Variants in OTOA observed in about 807,000 individuals in gnomAD.
OTOA encodes the protein cancer/testis antigen 108.
A neutral mutation model predicts 110.8 loss-of-function variants in OTOA; 70 were observed. The ratio of observed to expected loss-of-function variants is 0.63; its 90% CI spans 0.52 to 0.77. The LOEUF is 0.77. OTOA is among the 30% of genes least tolerant of loss of function. OTOA has a pLI of 0.00. For synonymous variants in OTOA, 373 were observed against 431.5 expected (o/e 0.86, Z 1.68); for missense variants, 917 against 1,075.8 (o/e 0.85, Z 2.06).
At chr16:21,675,995 A>C (rs900877913) in intron 1 of OTOA, among the ~76,000 whole-genome samples, 1 of 152,118 alleles carries the variant, frequency 6.6e-6, no homozygotes, top group African/African-American at 2.4e-5. Flanking sequence ...TGGCATAATC[A>C]TGGCTCATTG....
chr16:21,714,493 TC>T (rs1898486557), intron 13 of OTOA, among the ~76,000 whole-genome samples: 2 of 123,470 alleles, frequency 1.6e-5, no homozygotes, highest in Admixed American at 8.2e-5. Flanking sequence ...TCCCTCTCTC[TC>T]TCTCTCTTTC....
intron 11 of OTOA, among the ~76,000 whole-genome samples, chr16:21,703,916 C>T (rs1260573985): frequency 6.6e-6 from 1 of 152,096 alleles, no homozygotes; most frequent in African/African-American, 2.4e-5. Flanking sequence ...TTATGATGTG[C>T]TACGATGAAC....
chr16:21,731,869 G>A (rs1407337515), intron 21 of OTOA, among the ~76,000 whole-genome samples: 2 of 152,204 alleles, frequency 1.3e-5, no homozygotes, highest in Non-Finnish European at 2.9e-5. Flanking sequence ...AGGATCACAC[G>A]CAGCACATTC....
chr16:21,715,219 GGCTGT>G (rs1458088280), intron 14 of OTOA, 67 bp downstream of exon 14: 7 of 1,605,358 alleles, frequency 4.4e-6, no homozygotes, highest in Non-Finnish European at 5.1e-6. Context: ...TTGGTGAGTG[GGCTGT>G]GACTTTGGGC....
At chr16:21,693,470 G>A (rs962562212) in intron 9 of OTOA, among the ~76,000 whole-genome samples, 5 of 152,096 alleles carry the variant, frequency 3.3e-5, no homozygotes, top group East Asian at 1.9e-4. Flanking sequence ...CTGCTCTTAC[G>A]GCCCTATTGT....
At position 21,695,891 on chromosome 16, in the gene OTOA, A is replaced by ATTTTTTTTTT. The variant is rs386384450; in HGVS notation, c.740-1874_740-1865dup. 5.5e-4 allele frequency among the ~76,000 whole-genome samples: 23 copies of ATTTTTTTTTT among 41,896 alleles called. 1 individual carries two copies. Among genetic ancestry groups the ATTTTTTTTTT allele is most frequent in the African/African-American group, 1.0e-3 (7 of 6,838 alleles). 27.5% of individuals were successfully genotyped at this position (41,896 alleles called of 152,430 possible). ...GATATATATATATATATATATATAT[A>ATTTTTTTTTT]TTTTTTTTTTTTTTTTTTTCTGAGA... On this transcript the variant is annotated intron_variant, in intron 9 of 28. Coordinates refer to ENST00000646100, the MANE Select transcript of OTOA (RefSeq NM_144672.4).
At position 21,711,053 on chromosome 16, in the gene OTOA, C is replaced by T. The variant is rs1043591483; in HGVS notation, c.1320+950C>T. ...CAAATCAGTAGCACTTATCCTGTAGCATTGCTGCGAATATTATGTGAGTTG... is the reference window on the plus strand; with the variant it reads ...CAAATCAGTAGCACTTATCCTGTAGTATTGCTGCGAATATTATGTGAGTTG... On this transcript the variant is annotated intron_variant, in intron 13 of 28. Coordinates refer to ENST00000646100, the MANE Select transcript of OTOA (RefSeq NM_144672.4). Among the ~76,000 whole-genome samples, 29 of 152,128 alleles carry T rather than the reference C, an allele frequency of 1.9e-4. 1 individual carries two copies. The highest frequency in any genetic ancestry group is 6.8e-4 in the African/African-American group (28 of 41,426).
chr16:21,716,736 C>CT (rs1230392105), intron 14 of OTOA, among the ~76,000 whole-genome samples, 171 bp from the exon 15 acceptor site: 1 of 152,058 alleles, frequency 6.6e-6, no homozygotes, highest in Non-Finnish European at 1.5e-5. Context: ...ACTCATCACA[C>CT]TTTAAGTCTC....
chr16:21,722,895 A>T lies in OTOA; in HGVS notation c.1807-10A>T, dbSNP rs759768420. ...CTGCATTAAATCCCCAGAACTGCTT[A>T]ATCTTTCAGGTTAATTGTTTGGCGT... On this transcript the variant is annotated splice_polypyrimidine_tract_variant and intron_variant, in intron 17 of 28. Coordinates refer to ENST00000646100, the MANE Select transcript of OTOA (RefSeq NM_144672.4). The T allele has an allele frequency of 1.2e-6, 2 of 1,613,576 alleles. No homozygotes were observed. The highest frequency in any genetic ancestry group is 2.2e-5 in the East Asian group (1 of 44,882).
Position 21,728,467 on chromosome 16 carries a change from G to T in OTOA, c.2207+36G>T, listed in dbSNP as rs946324220. ...GCTGGGTTTGGCTTTTGGTGGTGTG[G>T]TATGCTCTGTGGAGGGACACTCAAC... On this transcript the variant is annotated intron_variant, in intron 20 of 28. Coordinates refer to ENST00000646100, the MANE Select transcript of OTOA (RefSeq NM_144672.4). 3 of 1,602,008 alleles carry T rather than the reference G, an allele frequency of 1.9e-6. No homozygotes were observed. The African/African-American group carries it at 4.0e-5, about 21-fold the overall frequency.
intron 10 of OTOA, among the ~76,000 whole-genome samples, chr16:21,699,823 G>A (rs1418911450): frequency 6.6e-6 from 1 of 152,132 alleles, no homozygotes; most frequent in Non-Finnish European, 1.5e-5. Context: ...GGAGGCTGAG[G>A]CAGGAGTATC....
At chr16:21,697,896 TA>T in intron 10 of OTOA, 21 bp downstream of exon 10, 1 of 1,579,038 alleles carries the variant, frequency 6.3e-7, no homozygotes, top group Non-Finnish European at 8.7e-7. Flanking sequence ...AAAGTACATT[TA>T]TATGTCACCA....
chr16:21,694,950 A>G (rs1257687281), intron 9 of OTOA, among the ~76,000 whole-genome samples: 1 of 152,198 alleles, frequency 6.6e-6, no homozygotes, highest in Non-Finnish European at 1.5e-5. Flanking sequence ...CTTTATTGCC[A>G]GAGTTTAATT....
At chr16:21,679,985 A>C (rs1966876082) in intron 5 of OTOA, among the ~76,000 whole-genome samples, 1 of 152,142 alleles carries the variant, frequency 6.6e-6, no homozygotes, top group South Asian at 2.1e-4. Flanking sequence ...GGTAGTGTGG[A>C]AACGCCAATA....
rs147172217 is a variant in OTOA at position 21,728,345 on chromosome 16, G to T, written c.2121G>T (p.Ala707=). 1.2e-6 allele frequency: 2 copies of T among 1,614,014 alleles called. No homozygotes were observed. The change falls in exon 20 of 29, where the codon GCG becomes GCT. Residue 707 remains alanine, a synonymous_variant. Coordinates refer to ENST00000646100, the MANE Select transcript of OTOA (RefSeq NM_144672.4). ...GGGGGATCTCCCCCAGGGCTTGGGC[G>T]ACTGCTCTACACGGCCTCAGAGACT... ...IDRGISPRAW[A]TALHGLRDCP...
intron 1 of OTOA, among the ~76,000 whole-genome samples, chr16:21,672,326 A>G (rs1482356768): frequency 6.6e-6 from 1 of 152,102 alleles, no homozygotes; most frequent in Non-Finnish European, 1.5e-5. Flanking sequence ...TATTTATTTA[A>G]AAAATTGACA....
At chr16:21,677,156 G>A (rs1966859620) in intron 1 of OTOA, among the ~76,000 whole-genome samples, 1 of 152,142 alleles carries the variant, frequency 6.6e-6, no homozygotes, top group Admixed American at 6.5e-5. Flanking sequence ...TATGAATGAA[G>A]CTATATAAAT....
intron 14 of OTOA, 43 bp downstream of exon 14, chr16:21,715,195 GT>G: frequency 6.2e-7 from 1 of 1,613,338 alleles, no homozygotes; most frequent in Non-Finnish European, 8.5e-7. Flanking sequence ...GTCACAGGGG[GT>G]ATGTTTTTGG....
chr16:21,707,655 TTC>T (rs747223021), intron 12 of OTOA, among the ~76,000 whole-genome samples: 4,683 of 99,296 alleles, frequency 0.047, 129 homozygotes, highest in Non-Finnish European at 0.074. Flanking sequence ...CTTTCTTTCT[TTC>T]TCTTTCTTTC....
Sources: gnomAD v4.1 joint callset for allele counts (sites outside exome capture counted in the v4.1 genomes callset) on GRCh38, gnomAD v4.1.1 for gene constraint, MANE v1.5 for transcripts, NCBI Gene and HGNC (gene_info 2026-07-23, HGNC 2026-07-21) for gene names.